The following MYC variants were observed in gnomAD, a reference collection of about 807,000 sequenced individuals.
The protein encoded by MYC is myc proto-oncogene protein.
MYC carries 1 observed loss-of-function variant against 30.5 expected under a neutral mutation model. That is an observed-to-expected ratio of 0.03 (90% confidence interval 0.01 to 0.16). The LOEUF is 0.16. Ranked by LOEUF, MYC falls within the 10% of genes least tolerant of loss-of-function variation. The pLI is 1.00. For synonymous variants in MYC, 267 were observed against 250.7 expected, an observed-to-expected ratio of 1.07 and a Z score of -0.62; for missense variants, 508 against 589.0, an observed-to-expected ratio of 0.86 and a Z score of 1.42.
Position 127,736,361 on chromosome 8 carries a change from C to G in MYC, c.-233C>G. 1 of 603,034 alleles carries G rather than the reference C, an allele frequency of 1.7e-6. No homozygotes were observed. Among genetic ancestry groups the G allele is most frequent in the South Asian group, 2.0e-5 (1 of 50,704 alleles). 37.4% of individuals were successfully genotyped at this position (603,034 alleles called of 1,614,324 possible). A position where few individuals can be genotyped will look rare whatever the true frequency, so the allele number is the denominator to read the frequency against. On this transcript the variant is annotated 5_prime_UTR_variant, in exon 1 of 3. Transcript: ENST00000621592. ...GAGATCCGGAGCGAATAGGGGGCTT[C>G]GCCTCTGGCCCAGCCCTCCCGCTGA... is the stretch of plus-strand genomic sequence containing the variant.
At chr8:127,735,485 G>A, upstream of MYC, 1 of 399,428 alleles carries the variant, frequency 2.5e-6, no homozygotes, top group Non-Finnish European at 4.4e-6. Context: ...GCGTTGCTGG[G>A]TTATTTTAAT....
chr8:127,737,789 GC>G (rs1016207942), intron 1 of MYC, among the ~76,000 whole-genome samples: 1 of 152,214 alleles, frequency 6.6e-6, no homozygotes, highest in African/African-American at 2.4e-5. Context: ...CAGCGGAGGG[GC>G]CCCGGCGCGG....
In MYC at chr8:127,736,342, C is replaced by T; in HGVS notation, c.-252C>T. On this transcript the variant is annotated 5_prime_UTR_variant, in exon 1 of 3. Coordinates refer to ENST00000621592, the MANE Select transcript of MYC (RefSeq NM_002467.6). ...TGCGGGCGTCCTGGGAAGGGAGATC[C>T]GGAGCGAATAGGGGGCTTCGCCTCT... is the stretch of plus-strand genomic sequence containing the variant. 3.4e-6 allele frequency: 2 copies of T among 593,260 alleles called. No homozygotes were observed. Among genetic ancestry groups the T allele is most frequent in the South Asian group, 4.1e-5 (2 of 49,042 alleles). The allele number at this position is 593,260 out of a possible 1,614,324, so 36.7% of individuals were successfully genotyped here.
Position 127,738,739 on chromosome 8 carries a change from C to A in MYC, c.522C>A (p.Ser174Arg), listed in dbSNP as rs1436063286. ...CCTACCAGGCTGCGCGCAAAGACAG[C>A]GGCAGCCCGAACCCCGCCCGCGGCC... Residue 174 changes from serine to arginine, a missense_variant, in exon 2 of 3, where the codon AGC (serine) becomes AGA (arginine). Transcript: ENST00000621592. This position sits in a 1 kb window ranked among gnomAD's most constrained non-coding sequence, Gnocchi z 7.6. 3.7e-6 allele frequency: 6 copies of A among 1,613,242 alleles called. No homozygotes were observed. The South Asian group carries it at 5.5e-5, about 15-fold the overall frequency.
rs909996855 is a variant in MYC at position 127,742,405 on chromosome 8, T to A, written c.*1447T>A. On this transcript the variant is annotated 3_prime_UTR_variant, in exon 3 of 3. Coordinates refer to ENST00000621592, the MANE Select transcript of MYC (RefSeq NM_002467.6). ...TAGGAATCAGCTGGCTGCTTGTGAG[T>A]ACAGGAGTTACAGTCCAGTGGGTTA... Among the ~76,000 whole-genome samples, 1 of 152,246 alleles carries A rather than the reference T, an allele frequency of 6.6e-6. No individual in the cohort carries two copies. Among genetic ancestry groups the A allele is most frequent in the African/African-American group, 2.4e-5 (1 of 41,470 alleles).
At chr8:127,739,243 C>G (rs1813666482) in intron 2 of MYC, among the ~76,000 whole-genome samples, 1 of 152,204 alleles carries the variant, frequency 6.6e-6, no homozygotes, top group South Asian at 2.1e-4. Flanking sequence ...TTGTCTCCCA[C>G]CCCTCAGGAA....
At chr8:127,739,277 C>T (rs1025467061) in intron 2 of MYC, among the ~76,000 whole-genome samples, 2 of 152,156 alleles carry the variant, frequency 1.3e-5, no homozygotes, top group African/African-American at 2.4e-5. Context: ...TTTAAACCTT[C>T]TGGCTTATCT....
chr8:127,742,002 G>A lies in MYC; in HGVS notation c.*1044G>A, dbSNP rs1168263489. On this transcript the variant is annotated 3_prime_UTR_variant, in exon 3 of 3. Transcript: ENST00000621592. Reference sequence around the variant, plus strand: ...CTCAAAGAGGTTATGTAACTTATCTGTAGCCACGCAGATAATACAAAGCAG... The same window carrying A: ...CTCAAAGAGGTTATGTAACTTATCTATAGCCACGCAGATAATACAAAGCAG... Among the ~76,000 whole-genome samples, 1 of 152,202 alleles carries A rather than the reference G, an allele frequency of 6.6e-6. No individual in the cohort carries two copies. The highest frequency in any genetic ancestry group is 1.5e-5 in the Non-Finnish European group (1 of 68,038).
chr8:127,738,131 A>C lies in MYC; in HGVS notation c.31-117A>C. On this transcript the variant is annotated intron_variant, in intron 1 of 2. Coordinates refer to ENST00000621592, the MANE Select transcript of MYC (RefSeq NM_002467.6). This position sits in a 1 kb window ranked among gnomAD's most constrained non-coding sequence, Gnocchi z 7.6. Reference sequence around the variant, plus strand: ...CAAGACCACCCAGCCGCTTTAGGGGATAGCTCTGCAAGGGGAGAGGTTCGG... The same window carrying C: ...CAAGACCACCCAGCCGCTTTAGGGGCTAGCTCTGCAAGGGGAGAGGTTCGG... 7.9e-7 allele frequency: 1 copy of C among 1,269,172 alleles called. No homozygotes were observed. The allele number at this position is 1,269,172 out of a possible 1,614,324, so 78.6% of individuals were successfully genotyped here. A position where few individuals can be genotyped will look rare whatever the true frequency, so the allele number is the denominator to read the frequency against.
rs141008372 is a variant in MYC, at chr8:127,738,139, G to A, written c.31-109G>A. 4,341 of 1,357,670 alleles carry A rather than the reference G, an allele frequency of 3.2e-3. 12 individuals are homozygous for A. The highest frequency in any genetic ancestry group is 4.0e-3 in the Non-Finnish European group (4,014 of 1,006,046). 84.1% of individuals were successfully genotyped at this position (1,357,670 alleles called of 1,614,324 possible). On this transcript the variant is annotated intron_variant, in intron 1 of 2. Coordinates refer to ENST00000621592, the MANE Select transcript of MYC (RefSeq NM_002467.6). The surrounding 1 kb of genome is among the most constrained non-coding windows in gnomAD (Gnocchi z 7.6). ...CCCAGCCGCTTTAGGGGATAGCTCT[G>A]CAAGGGGAGAGGTTCGGGACTGTGG... is the stretch of plus-strand genomic sequence containing the variant.
At chr8:127,736,820 G>A (rs1813599833) in intron 1 of MYC, among the ~76,000 whole-genome samples, 197 bp downstream of exon 1, 1 of 152,200 alleles carries the variant, frequency 6.6e-6, no homozygotes, top group Admixed American at 6.5e-5. Flanking sequence ...GTCAAGATGG[G>A]AGAGGAGAAG....
rs1813712721 is a variant in MYC at position 127,741,534 on chromosome 8, A to T, written c.*576A>T. The T allele has an allele frequency of 1.1e-5, 2 of 188,766 alleles. No homozygotes were observed. Among genetic ancestry groups the T allele is most frequent in the Non-Finnish European group, 2.2e-5 (2 of 90,382 alleles). 11.7% of individuals were successfully genotyped at this position (188,766 alleles called of 1,614,324 possible). ...TCAGAGGGTGGTCTTAAGAAAGGCA[A>T]GAGTTTTCCTCTGTTGAAATGGGTC... On this transcript the variant is annotated 3_prime_UTR_variant, in exon 3 of 3. Coordinates refer to ENST00000621592, the MANE Select transcript of MYC (RefSeq NM_002467.6).
chr8:127,740,488 G>T lies in MYC; in HGVS notation c.895G>T (p.Ala299Ser), dbSNP rs770159089. 1.2e-6 allele frequency: 2 copies of T among 1,614,088 alleles called. No homozygotes were observed. Among genetic ancestry groups the T allele is most frequent in the Non-Finnish European group, 1.7e-6 (2 of 1,180,032 alleles). The stretch of plus-strand genomic sequence containing the variant: ...AAGGTCAGAGTCTGGATCACCTTCT[G>T]CTGGAGGCCACAGCAAACCTCCTCA... Residue 299 changes from alanine to serine, a missense_variant, in exon 3 of 3, where the codon GCT (alanine) becomes TCT (serine). This residue lies in a region of MYC where 364 missense variants were observed against 381.1 expected (regional missense o/e 0.96). Transcript: ENST00000621592.
chr8:127,742,931 A>G lies in MYC; in HGVS notation c.*1973A>G, dbSNP rs1274654133. Among the ~76,000 whole-genome samples the G allele has an allele frequency of 6.6e-6, 1 of 152,222 alleles. No individual in the cohort carries two copies. Among genetic ancestry groups the G allele is most frequent in the Non-Finnish European group, 1.5e-5 (1 of 68,040 alleles). ...TTAATCTACCACCACCCATAAATCA[A>G]TAAATAATTACTTTCTTTGACTCTG... On this transcript the variant is annotated 3_prime_UTR_variant, in exon 3 of 3. Coordinates refer to ENST00000621592, the MANE Select transcript of MYC (RefSeq NM_002467.6).
rs1208191763 is a variant in MYC, at chr8:127,742,825, A to G, written c.*1867A>G. Among the ~76,000 whole-genome samples, 1 of 152,198 alleles carries G rather than the reference A, an allele frequency of 6.6e-6. No individual in the cohort carries two copies. Among genetic ancestry groups the G allele is most frequent in the Non-Finnish European group, 1.5e-5 (1 of 68,040 alleles). ...AGAAATGATGTTGATTATATAGGTA[A>G]ATGAAGGATGCTATTGCTGTTCTAA... On this transcript the variant is annotated 3_prime_UTR_variant, in exon 3 of 3. Transcript: ENST00000621592.
Position 127,738,471 on chromosome 8 carries a change from G to T in MYC, c.254G>T (p.Cys85Phe), listed in dbSNP as rs776077629. 1 of 1,606,196 alleles carries T rather than the reference G, an allele frequency of 6.2e-7. No homozygotes were observed. Among genetic ancestry groups the T allele is most frequent in the Non-Finnish European group, 8.5e-7 (1 of 1,174,892 alleles). ...TCCCCTAGCCGCCGCTCCGGGCTCT[G>T]CTCGCCCTCCTACGTTGCGGTCACA... is the stretch of plus-strand genomic sequence containing the variant. Residue 85 changes from cysteine (C) to phenylalanine (F), a missense_variant, in exon 2 of 3, where the codon TGC (cysteine) becomes TTC (phenylalanine). Transcript: ENST00000621592. This position sits in a 1 kb window ranked among gnomAD's most constrained non-coding sequence, Gnocchi z 7.6.
Position 127,742,041 on chromosome 8 carries a change from T to A in MYC, c.*1083T>A, listed in dbSNP as rs1307368804. 6.6e-6 allele frequency among the ~76,000 whole-genome samples: 1 copy of A among 152,232 alleles called. No homozygotes were observed. The highest frequency in any genetic ancestry group is 1.5e-5 in the Non-Finnish European group (1 of 68,030). ...AATACAAAGCAGCAATCTGGACCCA[T>A]TCTGTTCAAAACACTTAACCCTTCG... On this transcript the variant is annotated 3_prime_UTR_variant, in exon 3 of 3. Coordinates refer to ENST00000621592, the MANE Select transcript of MYC (RefSeq NM_002467.6).
At chr8:127,735,607 TGG>T, upstream of MYC, 1 of 399,066 alleles carries the variant, frequency 2.5e-6, no homozygotes, top group Non-Finnish European at 4.4e-6. Context: ...CCACTCTCCC[TGG>T]GACTCTTGAT....
At chr8:127,737,171 T>C (rs1324975803) in intron 1 of MYC, among the ~76,000 whole-genome samples, 1 of 152,260 alleles carries the variant, frequency 6.6e-6, no homozygotes, top group Non-Finnish European at 1.5e-5. Context: ...CCCGCGGCGA[T>C]TCCAACCCGC....
Sources: allele counts gnomAD v4.1 joint callset (sites outside exome capture counted in the v4.1 genomes callset), GRCh38; gene constraint gnomAD v4.1.1; regional missense constraint gnomAD v4.1.1; non-coding constraint Gnocchi (gnomAD v3.1); transcripts MANE v1.5; gene names NCBI Gene and HGNC (gene_info 2026-07-23, HGNC 2026-07-21).